Variants in TENT4A observed in about 807,000 individuals in gnomAD.
TENT4A encodes the protein terminal nucleotidyltransferase 4A.
A neutral mutation model predicts 72.8 loss-of-function variants in TENT4A; 7 were observed. The observed-to-expected ratio is 0.10, with a 90% CI of 0.05 to 0.18. TENT4A has a LOEUF of 0.18. Ranked by LOEUF, TENT4A falls within the 10% of genes least tolerant of loss-of-function variation. The pLI, the probability that TENT4A is intolerant of heterozygous loss-of-function variation, is 1.00. For missense variants in TENT4A, 831 were observed against 1,017.7 expected (o/e 0.82, Z 2.50); for synonymous variants, 456 against 434.3 (o/e 1.05, Z -0.62).
intron 1 of TENT4A, among the ~76,000 whole-genome samples, chr5:6,732,443 A>G (rs1741261016): frequency 6.6e-6 from 1 of 152,196 alleles, no homozygotes; most frequent in Non-Finnish European, 1.5e-5. Context: ...TAGCTCAGTA[A>G]GTTGGGTCTC....
At chr5:6,743,165 C>T (rs1013788948) in intron 5 of TENT4A, among the ~76,000 whole-genome samples, 4 of 152,172 alleles carry the variant, frequency 2.6e-5, no homozygotes, top group Admixed American at 6.5e-5. Flanking sequence ...AGGGGCAAAT[C>T]CACCCCTGCA....
chr5:6,746,688 A>G (rs749893115), intron 7 of TENT4A, among the ~76,000 whole-genome samples: 1 of 152,272 alleles, frequency 6.6e-6, no homozygotes, highest in Non-Finnish European at 1.5e-5. Context: ...TTATTGAAGT[A>G]TAACATATCC....
chr5:6,732,100 A>C (rs274696), intron 1 of TENT4A, among the ~76,000 whole-genome samples: 57,934 of 152,046 alleles, frequency 0.38, 11,191 homozygotes, highest in South Asian at 0.5. Flanking sequence ...AGAAATTGTG[A>C]CTTTTGGGGA....
At chr5:6,738,883 A>G (rs1427064166) in intron 3 of TENT4A, among the ~76,000 whole-genome samples, 154 bp downstream of exon 3, 2 of 152,218 alleles carry the variant, frequency 1.3e-5, no homozygotes, top group African/African-American at 4.8e-5. Context: ...ATTGGCAGAA[A>G]GATTTAATTT....
At chr5:6,730,608 G>A (rs1220755604) in intron 1 of TENT4A, among the ~76,000 whole-genome samples, 1 of 152,150 alleles carries the variant, frequency 6.6e-6, no homozygotes, top group African/African-American at 2.4e-5. Context: ...CAGCCCCTGT[G>A]TAGAAAGATA....
At chr5:6,752,003 C>T (rs377739543) in intron 11 of TENT4A, among the ~76,000 whole-genome samples, 4 of 152,168 alleles carry the variant, frequency 2.6e-5, no homozygotes, top group East Asian at 1.9e-4. Context: ...ATGGCCCAGC[C>T]GGACACCGTA....
chr5:6,714,422 G>T lies in TENT4A; in HGVS notation c.439G>T (p.Gly147Cys). 8.6e-7 allele frequency: 1 copy of T among 1,158,802 alleles called. No individual in the cohort carries two copies. Among genetic ancestry groups the T allele is most frequent in the Non-Finnish European group, 1.1e-6 (1 of 941,444 alleles). 71.8% of individuals were successfully genotyped at this position (1,158,802 alleles called of 1,614,324 possible). A position where few individuals can be genotyped will look rare whatever the true frequency, so the allele number is the denominator to read the frequency against. ...GGGCCGGCCGGGCGGCGGCCGCGGC[G>T]GCGCCTTCTTCAACTTCGCCGACGG... ...SLGRPGGGRG[G>C]AFFNFADGAP... The change falls in exon 1 of 13, where the codon GGC (glycine) becomes TGC (cysteine). Residue 147 changes from glycine to cysteine, a missense_variant. This residue lies in a region of TENT4A where 302 missense variants were observed against 293.8 expected (regional missense o/e 1.03). Coordinates refer to ENST00000230859, the MANE Select transcript of TENT4A (RefSeq NM_006999.6).
intron 2 of TENT4A, 132 bp from the exon 3 acceptor site, chr5:6,738,551 C>G (rs762106014): frequency 4.1e-5 from 30 of 728,350 alleles, no homozygotes; most frequent in Admixed American, 1.6e-4. Context: ...ATACGGTCCC[C>G]TCCATCAGTT....
chr5:6,743,510 C>A (rs1741933440), intron 5 of TENT4A, among the ~76,000 whole-genome samples: 1 of 152,172 alleles, frequency 6.6e-6, no homozygotes, highest in Non-Finnish European at 1.5e-5. Flanking sequence ...GGGAGAGCTC[C>A]ACAGTCTCGA....
In TENT4A at chr5:6,714,783, G is replaced by C. The variant is rs551439140; in HGVS notation, c.716+84G>C. 3.0e-4 allele frequency: 235 copies of C among 782,358 alleles called. 2 individuals are homozygous for C. The highest frequency in any genetic ancestry group is 3.7e-4 in the Non-Finnish European group (220 of 597,466). The allele number at this position is 782,358 out of a possible 1,614,324, so 48.5% of individuals were successfully genotyped here. A position where few individuals can be genotyped will look rare whatever the true frequency, so the allele number is the denominator to read the frequency against. On this transcript the variant is annotated intron_variant, in intron 1 of 12. Transcript: ENST00000230859. ...CGCGGTGCAGACACCCGTCCCAGGC[G>C]CCCGGGCTTTTGGAGGATGGATGTT...
At chr5:6,729,552 G>A (rs145293884) in intron 1 of TENT4A, among the ~76,000 whole-genome samples, 2 of 152,246 alleles carry the variant, frequency 1.3e-5, no homozygotes, top group Admixed American at 1.3e-4. Context: ...CAGCAGGCGC[G>A]GTTCCCTCGG....
At chr5:6,750,884 G>C in intron 10 of TENT4A, 155 bp from the exon 11 acceptor site, 1 of 684,338 alleles carries the variant, frequency 1.5e-6, no homozygotes. Context: ...AAGGAAGCCT[G>C]GGTAGGTTTG....
chr5:6,724,148 A>G (rs1740791442), intron 1 of TENT4A, among the ~76,000 whole-genome samples: 1 of 152,220 alleles, frequency 6.6e-6, no homozygotes, highest in Admixed American at 6.5e-5. Context: ...CTACTAGAAA[A>G]TAAAGGCACT....
rs933425302 is a variant in TENT4A, at chr5:6,738,847, G to A, written c.887+118G>A. The stretch of plus-strand genomic sequence containing the variant: ...TCTAAGGCGAGAAATGCCAGCTAAA[G>A]GAAAAGACTGTGGTTACAGAGGGAA... On this transcript the variant is annotated intron_variant, in intron 3 of 12. Coordinates refer to ENST00000230859, the MANE Select transcript of TENT4A (RefSeq NM_006999.6). 4.0e-6 allele frequency: 3 copies of A among 759,344 alleles called. No homozygotes were observed. In the African/African-American group the frequency reaches 5.2e-5, roughly 13 times the overall value. The allele number at this position is 759,344 out of a possible 1,614,324, so 47.0% of individuals were successfully genotyped here.
chr5:6,714,192 C>T lies in TENT4A; in HGVS notation c.209C>T (p.Ala70Val). The change falls in exon 1 of 13, where the codon GCC (alanine) becomes GTC (valine). Residue 70 changes from alanine (A) to valine (V), a missense_variant. Ala to Val is a moderately conservative substitution (Grantham distance 64). This residue lies in a region of TENT4A where 302 missense variants were observed against 293.8 expected (regional missense o/e 1.03). Transcript: ENST00000230859. The stretch of plus-strand genomic sequence containing the variant: ...GGCGGCCTGGGCCCCGCGCTGCCCG[C>T]CGCGTCGCCCCCGCCGCCCGGCCCC... ...GSGGLGPALP[A>V]ASPPPPGPTA... 1.0e-6 allele frequency: 1 copy of T among 965,178 alleles called. No individual in the cohort carries two copies. Among genetic ancestry groups the T allele is most frequent in the Non-Finnish European group, 1.2e-6 (1 of 816,744 alleles). The allele number at this position is 965,178 out of a possible 1,614,324, so 59.8% of individuals were successfully genotyped here.
At chr5:6,746,118 C>T in intron 6 of TENT4A, 96 bp from the exon 7 acceptor site, 1 of 1,590,022 alleles carries the variant, frequency 6.3e-7, no homozygotes, top group Non-Finnish European at 8.6e-7. Context: ...CTGGTATTGC[C>T]TTGAAGAGGC....
In TENT4A at chr5:6,748,602, T is replaced by C. The variant is rs1229812564; in HGVS notation, c.1586+12T>C. The stretch of plus-strand genomic sequence containing the variant: ...AGAGACGCCGAAAGGTAATGGGTTG[T>C]GTGTCTGCGTCTGGGCTCAGCGTGC... On this transcript the variant is annotated intron_variant, in intron 8 of 12. Coordinates refer to ENST00000230859, the MANE Select transcript of TENT4A (RefSeq NM_006999.6). 6.2e-7 allele frequency: 1 copy of C among 1,605,890 alleles called. No individual in the cohort carries two copies. The highest frequency in any genetic ancestry group is 1.3e-5 in the African/African-American group (1 of 74,774).
chr5:6,731,899 G>T (rs142806442), intron 1 of TENT4A, among the ~76,000 whole-genome samples: 1 of 152,162 alleles, frequency 6.6e-6, no homozygotes, highest in African/African-American at 2.4e-5. Flanking sequence ...AGAGACCTGC[G>T]TTATGAAGTG....
intron 1 of TENT4A, among the ~76,000 whole-genome samples, chr5:6,732,007 C>G (rs880993): frequency 0.29 from 44,162 of 152,200 alleles, 6,872 homozygotes; most frequent in East Asian, 0.4. Flanking sequence ...CTTTTTTGCC[C>G]TTTAGTTCCT....
Sources: allele counts gnomAD v4.1 joint callset (sites outside exome capture counted in the v4.1 genomes callset), GRCh38; gene constraint gnomAD v4.1.1; regional missense constraint gnomAD v4.1.1; transcripts MANE v1.5; gene names NCBI Gene and HGNC (gene_info 2026-07-23, HGNC 2026-07-21).